RFC1: variants seen among roughly 807,000 people sequenced by gnomAD.
RFC1 encodes the protein replication factor C subunit 1.
A neutral mutation model predicts 137.4 loss-of-function variants in RFC1; 37 were observed. That is an observed-to-expected ratio of 0.27 (90% CI 0.21 to 0.35). The LOEUF (loss-of-function observed/expected upper bound fraction) is 0.35. Among genes scored for constraint, RFC1 ranks in the 10% least tolerant of loss-of-function variants. The pLI, the probability that RFC1 is intolerant of heterozygous loss-of-function variation, is 1.00. For synonymous variants in RFC1, 429 were observed against 455.7 expected (o/e 0.94, Z 0.75); for missense variants, 1,205 against 1,358.5 (o/e 0.89, Z 1.78).
chr4:39,346,974 G>C (rs1740891072), intron 2 of RFC1, among the ~76,000 whole-genome samples: 1 of 152,362 alleles, frequency 6.6e-6, no homozygotes, highest in East Asian at 1.9e-4. Context: ...TTTGGAGCTT[G>C]AGTACAGCCA....
At chr4:39,347,364 A>T (rs1056699650) in intron 2 of RFC1, among the ~76,000 whole-genome samples, 1 of 152,178 alleles carries the variant, frequency 6.6e-6, no homozygotes, top group Non-Finnish European at 1.5e-5. Context: ...ACTGCCTTAG[A>T]GCTGGGATAT....
chr4:39,325,500 T>G (rs533630214), intron 6 of RFC1, among the ~76,000 whole-genome samples: 1 of 152,298 alleles, frequency 6.6e-6, no homozygotes, highest in Admixed American at 6.5e-5. Context: ...CTCCCACCTC[T>G]GCCTCCCAAG....
In RFC1 at chr4:39,320,321, C is replaced by A. The variant is rs17288195; in HGVS notation, c.1095+62G>T. 1.3e-3 allele frequency: 1,761 copies of A among 1,398,152 alleles called. 31 individuals are homozygous for A. The African/African-American group carries it at 0.024, about 19-fold the overall frequency. 86.6% of individuals were successfully genotyped at this position (1,398,152 alleles called of 1,614,324 possible). On this transcript the variant is annotated intron_variant, in intron 9 of 24. Coordinates refer to ENST00000349703, the MANE Select transcript of RFC1 (RefSeq NM_002913.5). Reference sequence around the variant, plus strand: ...CCGAGATTGTGCCACTGCACTCCAACCTCAGCAACAAGAGCAAAACTCCAT... The same window carrying A: ...CCGAGATTGTGCCACTGCACTCCAAACTCAGCAACAAGAGCAAAACTCCAT...
rs17288820 is a variant in RFC1 at position 39,288,842 on chromosome 4, T to C, written c.3363A>G (p.Lys1121=). The change falls in exon 25 of 25, where the codon AAA becomes AAG. Residue 1121 remains lysine (K), a splice_region_variant and synonymous_variant. Coordinates refer to ENST00000349703, the MANE Select transcript of RFC1 (RefSeq NM_002913.5). ...TTGAAGGCTTTGAAGATTTTGTCTT[T>C]TTCTGTTAGGGGGAAGATAACAAAA... is the stretch of plus-strand genomic sequence containing the variant. The part of the protein sequence containing the change: ...DAIETDAMIK[K]KTKSSKPSKP... 1,992 of 1,600,496 alleles carry C rather than the reference T, an allele frequency of 1.2e-3. 16 individuals are homozygous for C. In the African/African-American group the frequency reaches 0.022, roughly 17 times the overall value.
intron 4 of RFC1, among the ~76,000 whole-genome samples, chr4:39,331,864 C>T (rs1012901814): frequency 6.6e-6 from 1 of 152,046 alleles, no homozygotes; most frequent in Non-Finnish European, 1.5e-5. Context: ...TTTTTTCACA[C>T]CTTTTGATAT....
At chr4:39,302,435 C>T (rs888485016) in intron 18 of RFC1, 59 bp from the exon 19 acceptor site, 1 of 1,515,492 alleles carries the variant, frequency 6.6e-7, no homozygotes, top group Admixed American at 1.7e-5. Flanking sequence ...CTCCCCATCC[C>T]TACAAGGTTG....
At chr4:39,345,508 A>G (rs1311068542) in intron 2 of RFC1, 32 bp from the exon 3 acceptor site, 22 of 1,537,420 alleles carry the variant, frequency 1.4e-5, no homozygotes, top group Non-Finnish European at 1.9e-5. Flanking sequence ...TAGAACATAA[A>G]GAAGCCTATA....
Position 39,288,684 on chromosome 4 carries a change from AAAC to A in RFC1, c.*74_*76del. 1.1e-6 allele frequency: 1 copy of A among 924,016 alleles called. No homozygotes were observed. 57.2% of individuals were successfully genotyped at this position (924,016 alleles called of 1,614,324 possible). On this transcript the variant is annotated 3_prime_UTR_variant, in exon 25 of 25. Transcript: ENST00000349703. ...GCTAAAACATGGTTGCTCTGGGAAA[AAAC>A]AAGGCTTTCTCTAGACCAGCTGGAC...
chr4:39,303,239 G>A, intron 15 of RFC1, 88 bp from the exon 16 acceptor site: 1 of 771,462 alleles, frequency 1.3e-6, no homozygotes. Flanking sequence ...TTATGTAACA[G>A]ATATTAAACT....
chr4:39,310,566 G>T (rs1208043037), intron 12 of RFC1, among the ~76,000 whole-genome samples: 1 of 152,120 alleles, frequency 6.6e-6, no homozygotes, highest in African/African-American at 2.4e-5. Context: ...GTCTACAGTG[G>T]GAATGAATGA....
chr4:39,290,167 T>C, intron 23 of RFC1, 128 bp from the exon 24 acceptor site: 1 of 585,112 alleles, frequency 1.7e-6, no homozygotes, highest in Non-Finnish European at 3.0e-6. Flanking sequence ...TATATACATG[T>C]AAATCTAAGT....
intron 21 of RFC1, among the ~76,000 whole-genome samples, chr4:39,299,483 G>A (rs1434020067): frequency 1.3e-5 from 2 of 151,780 alleles, no homozygotes; most frequent in Non-Finnish European, 2.9e-5. Flanking sequence ...CGTGGTGACG[G>A]GCGCCTGTAG....
intron 1 of RFC1, among the ~76,000 whole-genome samples, chr4:39,353,397 C>CAAAAAAAA (rs11416030): frequency 1.6e-5 from 1 of 63,532 alleles, no homozygotes; most frequent in Admixed American, 2.5e-4. Context: ...GAGACTGTCT[C>CAAAAAAAA]AAAAAAAAAA....
chr4:39,363,802 G>C (rs1014540254), intron 1 of RFC1, among the ~76,000 whole-genome samples: 1 of 150,794 alleles, frequency 6.6e-6, no homozygotes, highest in Non-Finnish European at 1.5e-5. Context: ...TGAGGCACAA[G>C]AATCGCTTAA....
At chr4:39,351,547 G>A in intron 1 of RFC1, 71 bp from the exon 2 acceptor site, 1 of 1,354,996 alleles carries the variant, frequency 7.4e-7, no homozygotes. Context: ...ATTGTAAGAT[G>A]GGACAGCTTT....
intron 7 of RFC1, 110 bp downstream of exon 7, chr4:39,323,230 A>G: frequency 1.5e-6 from 1 of 671,678 alleles, no homozygotes; most frequent in South Asian, 4.0e-5. Flanking sequence ...AAATAATTTA[A>G]TTTCTTTCTG....
chr4:39,357,662 G>A (rs1039045095), intron 1 of RFC1, among the ~76,000 whole-genome samples: 1 of 151,482 alleles, frequency 6.6e-6, no homozygotes, highest in Non-Finnish European at 1.5e-5. Context: ...TGTCGCCCAG[G>A]CTGGAGTGCA....
At chr4:39,359,494 C>T (rs563881899) in intron 1 of RFC1, among the ~76,000 whole-genome samples, 1 of 152,252 alleles carries the variant, frequency 6.6e-6, no homozygotes, top group South Asian at 2.1e-4. Context: ...TTCTCACTCA[C>T]CCATAAGTGG....
intron 2 of RFC1, 25 bp downstream of exon 2, chr4:39,351,323 G>A: frequency 4.0e-6 from 5 of 1,244,320 alleles, no homozygotes; most frequent in South Asian, 1.5e-5. Flanking sequence ...TTCATTCAAT[G>A]CAAAATTATA....
Sources: allele counts gnomAD v4.1 joint callset (sites outside exome capture counted in the v4.1 genomes callset), GRCh38; gene constraint gnomAD v4.1.1; transcripts MANE v1.5; gene names NCBI Gene and HGNC (gene_info 2026-07-23, HGNC 2026-07-21).